The following CDH17 variants were observed in gnomAD, a reference collection of about 807,000 sequenced individuals.
CDH17 encodes cadherin 17.
Under a neutral mutation model 86.3 loss-of-function variants are expected in CDH17, and 67 were observed. The observed-to-expected ratio is 0.78, with a 90% CI of 0.64 to 0.95. The LOEUF (loss-of-function observed/expected upper bound fraction) is 0.95, where lower values mean the gene tolerates loss of function less well. Among genes scored for constraint, CDH17 ranks in the 40% least tolerant of loss-of-function variants. The pLI is 0.00. For missense variants in CDH17, 993 were observed against 1,017.6 expected, an observed-to-expected ratio of 0.98 and a Z score of 0.33; for synonymous variants, 367 against 366.4, an observed-to-expected ratio of 1.00 and a Z score of -0.02.
At chr8:94,151,035 C>T (rs1812846025) in intron 13 of CDH17, among the ~76,000 whole-genome samples, 1 of 152,174 alleles carries the variant, frequency 6.6e-6, no homozygotes, top group African/African-American at 2.4e-5. Context: ...GCAAGACTCC[C>T]TCCAGATGTT....
intron 1 of CDH17, among the ~76,000 whole-genome samples, chr8:94,203,582 T>A (rs1354672628): frequency 6.6e-6 from 1 of 152,210 alleles, no homozygotes; most frequent in Non-Finnish European, 1.5e-5. Context: ...GCCACGCCCA[T>A]CTTTTTGGTC....
At chr8:94,129,138 C>CAAGCAG (rs1391706790) in intron 17 of CDH17, among the ~76,000 whole-genome samples, 1 of 152,176 alleles carries the variant, frequency 6.6e-6, no homozygotes, top group Non-Finnish European at 1.5e-5. Flanking sequence ...TCCCCAAACT[C>CAAGCAG]AAGCAGTCTT....
rs377331350 is a variant in CDH17 at position 94,188,517 on chromosome 8, A to G, written c.150+670T>C. Among the ~76,000 whole-genome samples, 440 of 152,260 alleles carry G rather than the reference A, an allele frequency of 2.9e-3. 3 individuals are homozygous for G. Among genetic ancestry groups the G allele is most frequent in the African/African-American group, 0.01 (423 of 41,562 alleles). ...AGCATCCTCCAATCACTTCAGGGCCAAGTGACTTTCTCAGGGGATGTCTGG... is the reference window on the plus strand; with the variant it reads ...AGCATCCTCCAATCACTTCAGGGCCGAGTGACTTTCTCAGGGGATGTCTGG... On this transcript the variant is annotated intron_variant, in intron 3 of 17. Coordinates refer to ENST00000027335, the MANE Select transcript of CDH17 (RefSeq NM_004063.4).
At chr8:94,133,449 G>GT (rs1812459270) in intron 15 of CDH17, among the ~76,000 whole-genome samples, 1 of 152,148 alleles carries the variant, frequency 6.6e-6, no homozygotes, top group Non-Finnish European at 1.5e-5. Context: ...CTTCACTCAT[G>GT]TTTTGGCTCT....
At chr8:94,216,416 A>G (rs997493891) in intron 1 of CDH17, among the ~76,000 whole-genome samples, 3 of 152,272 alleles carry the variant, frequency 2.0e-5, no homozygotes, top group Non-Finnish European at 4.4e-5. Flanking sequence ...AGCCTCAGCC[A>G]GCGTCAGATC....
intron 9 of CDH17, among the ~76,000 whole-genome samples, chr8:94,167,535 C>T (rs1813180661): frequency 1.3e-5 from 2 of 152,208 alleles, no homozygotes; most frequent in South Asian, 4.1e-4. Flanking sequence ...GGGCTGCATG[C>T]AGGGACCATC....
rs1192334013 is a variant in CDH17 at position 94,165,741 on chromosome 8, A to G, written c.1282+20T>C. On this transcript the variant is annotated intron_variant, in intron 10 of 17. Transcript: ENST00000027335. ...AGGAAAACAATGATTTGCACTCAAG[A>G]CGGTGGATATGATACTAACCTTTGT... is the stretch of plus-strand genomic sequence containing the variant. 6.7e-7 allele frequency: 1 copy of G among 1,498,148 alleles called. No homozygotes were observed. The highest frequency in any genetic ancestry group is 1.4e-5 in the African/African-American group (1 of 72,714). The allele number at this position is 1,498,148 out of a possible 1,614,324, so 92.8% of individuals were successfully genotyped here.
At chr8:94,193,007 G>A (rs780744156) in intron 2 of CDH17, among the ~76,000 whole-genome samples, 2 of 152,158 alleles carry the variant, frequency 1.3e-5, no homozygotes, top group African/African-American at 2.4e-5. Context: ...GGAGGTAGGA[G>A]AGAGAAGTGG....
intron 2 of CDH17, among the ~76,000 whole-genome samples, chr8:94,190,505 T>G (rs1002742394): frequency 6.6e-6 from 1 of 152,150 alleles, no homozygotes; most frequent in Non-Finnish European, 1.5e-5. Flanking sequence ...GACCAGGGAT[T>G]TAGTGCCTCA....
At chr8:94,201,361 G>T (rs1178039530) in intron 1 of CDH17, among the ~76,000 whole-genome samples, 1 of 152,166 alleles carries the variant, frequency 6.6e-6, no homozygotes, top group African/African-American at 2.4e-5. Context: ...AAGCACCTCA[G>T]AATGTGACTT....
chr8:94,200,537 GTTTTTTTTTTTT>G (rs10600702), intron 1 of CDH17, among the ~76,000 whole-genome samples: 7 of 56,914 alleles, frequency 1.2e-4, no homozygotes, highest in African/African-American at 2.8e-4. Flanking sequence ...ATTATCTTTT[GTTTTTTTTTTTT>G]TTTTTTTTTT....
intron 15 of CDH17, among the ~76,000 whole-genome samples, chr8:94,144,324 A>G (rs1428377390): frequency 6.6e-6 from 1 of 152,146 alleles, no homozygotes; most frequent in Non-Finnish European, 1.5e-5. Flanking sequence ...AACATCAAAG[A>G]TCACTGATCA....
At chr8:94,142,341 C>T (rs1174047200) in intron 15 of CDH17, among the ~76,000 whole-genome samples, 2 of 152,112 alleles carry the variant, frequency 1.3e-5, no homozygotes, top group Non-Finnish European at 1.5e-5. Flanking sequence ...ATAAAAAACC[C>T]CTAAATGTCC....
chr8:94,148,662 T>C (rs1812794276), intron 14 of CDH17, 82 bp downstream of exon 14: 1 of 1,251,580 alleles, frequency 8.0e-7, no homozygotes, highest in African/African-American at 1.5e-5. Context: ...GTCAGTTTTC[T>C]TATCCTCCCT....
chr8:94,190,913 G>C (rs1381840690), intron 2 of CDH17, among the ~76,000 whole-genome samples: 1 of 152,188 alleles, frequency 6.6e-6, no homozygotes, highest in Non-Finnish European at 1.5e-5. Context: ...AATAATGAAT[G>C]AGAACACAGG....
chr8:94,199,073 ATATATATATATTT>A (rs1194442612), intron 1 of CDH17, among the ~76,000 whole-genome samples: 286 of 13,408 alleles, frequency 0.021, no homozygotes, highest in African/African-American at 0.031. Context: ...ATATATATAT[ATATATATATATTT>A]TTTTTTTTTT....
chr8:94,199,009 G>GAGCCAGT (rs1298368033), intron 1 of CDH17, among the ~76,000 whole-genome samples: 10 of 137,402 alleles, frequency 7.3e-5, no homozygotes, highest in Non-Finnish European at 1.2e-4. Flanking sequence ...TTTCCAGCCA[G>GAGCCAGT]TCTCTTCCTC....
intron 15 of CDH17, among the ~76,000 whole-genome samples, chr8:94,141,860 A>G (rs1812644846): frequency 6.6e-6 from 1 of 152,214 alleles, no homozygotes; most frequent in Non-Finnish European, 1.5e-5. Context: ...AACAGGCTAC[A>G]TTCTAAAATT....
intron 10 of CDH17, among the ~76,000 whole-genome samples, chr8:94,163,789 GA>G (rs1330453170): frequency 6.6e-6 from 1 of 152,224 alleles, no homozygotes; most frequent in African/African-American, 2.4e-5. Context: ...GATATTGATT[GA>G]AGTTAAGGCT....
Sources: allele counts gnomAD v4.1 joint callset (sites outside exome capture counted in the v4.1 genomes callset), GRCh38; gene constraint gnomAD v4.1.1; transcripts MANE v1.5; gene names NCBI Gene and HGNC (gene_info 2026-07-23, HGNC 2026-07-21).